CAPRIN1: variants seen among roughly 807,000 people sequenced by gnomAD.
CAPRIN1 encodes caprin-1.
In CAPRIN1, 29 loss-of-function variants were observed where a neutral mutation model predicts 100.9. The ratio of observed to expected loss-of-function variants is 0.29; its 90% CI spans 0.21 to 0.39. CAPRIN1 has a LOEUF of 0.39. CAPRIN1 is among the 10% of genes least tolerant of loss of function. CAPRIN1 has a pLI of 1.00. For missense variants in CAPRIN1, 795 were observed against 876.7 expected, an observed-to-expected ratio of 0.91 and a Z score of 1.18; for synonymous variants, 338 against 307.5, an observed-to-expected ratio of 1.10 and a Z score of -1.04.
rs1234040283 is a variant in CAPRIN1, at chr11:34,100,604, T to A, written c.*1237T>A. 6.6e-6 allele frequency: 1 copy of A among 152,226 alleles called. No homozygotes were observed. Among genetic ancestry groups the A allele is most frequent in the Non-Finnish European group, 1.5e-5 (1 of 68,012 alleles). 9.4% of individuals were successfully genotyped at this position (152,226 alleles called of 1,614,324 possible). A position where few individuals can be genotyped will look rare whatever the true frequency, so the allele number is the denominator to read the frequency against. On this transcript the variant is annotated 3_prime_UTR_variant, in exon 19 of 19. Transcript: ENST00000341394. ...ATTTTATGGTTTATCTCCAGCAACA[T>A]TTCTCTAGTACTTGCACTTATTATC...
At chr11:34,086,873 C>T (rs1288660330) in intron 11 of CAPRIN1, among the ~76,000 whole-genome samples, 1 of 152,072 alleles carries the variant, frequency 6.6e-6, no homozygotes, top group African/African-American at 2.4e-5. Context: ...CAAAATTAAT[C>T]TAGGAGTAAA....
At position 34,074,728 on chromosome 11, in the gene CAPRIN1, C is replaced by T. The variant is rs550851470; in HGVS notation, c.367-1508C>T. On this transcript the variant is annotated intron_variant, in intron 4 of 18. Coordinates refer to ENST00000341394, the MANE Select transcript of CAPRIN1 (RefSeq NM_005898.5). ...TGAAACCCTGTCTCTGCTAAAAATA[C>T]AAAAATTAGCCGGGCTTGGCAGCAC... 2.0e-5 allele frequency among the ~76,000 whole-genome samples: 3 copies of T among 152,198 alleles called. No homozygotes were observed. In the South Asian group the frequency reaches 6.2e-4, roughly 31 times the overall value.
intron 2 of CAPRIN1, among the ~76,000 whole-genome samples, chr11:34,053,902 A>G (rs1488323789): frequency 1.3e-5 from 2 of 152,256 alleles, no homozygotes; most frequent in East Asian, 1.9e-4. Flanking sequence ...CTTATAAAGT[A>G]AAATGAAGCC....
intron 2 of CAPRIN1, among the ~76,000 whole-genome samples, chr11:34,069,152 T>TG (rs1850760839): frequency 9.7e-6 from 1 of 102,790 alleles, no homozygotes; most frequent in African/African-American, 5.3e-5. Flanking sequence ...ACTTATTTAG[T>TG]TTTTTTTTTT....
Position 34,092,037 on chromosome 11 carries a change from G to C in CAPRIN1, c.1686G>C (p.Gln562His). Residue 562 changes from glutamine to histidine, a missense_variant, in exon 15 of 19, where the codon CAG becomes CAC. By Grantham distance (24) the Gln-to-His change is conservative. Around this residue, in one of 3 missense-constraint regions of CAPRIN1, gnomAD observed 648 missense variants for 697.9 expected, o/e 0.93. Transcript: ENST00000341394. ...ACCAAGTAGAACAAACAGAGCTTCA[G>C]CAAGAACAGCTTCAAACAGGTACGA... is the stretch of plus-strand genomic sequence containing the variant. Reference protein sequence around the residue: ...QPHQVEQTELQQEQLQTVVGT... With the variant: ...QPHQVEQTELHQEQLQTVVGT... 1 of 1,613,964 alleles carries C rather than the reference G, an allele frequency of 6.2e-7. No homozygotes were observed. The highest frequency in any genetic ancestry group is 8.5e-7 in the Non-Finnish European group (1 of 1,179,956).
chr11:34,099,375 C>T lies in CAPRIN1; in HGVS notation c.*8C>T, dbSNP rs2134141576. 6.2e-7 allele frequency: 1 copy of T among 1,610,854 alleles called. No individual in the cohort carries two copies. Among genetic ancestry groups the T allele is most frequent in the Non-Finnish European group, 8.5e-7 (1 of 1,177,096 alleles). ...ACTCAGCAAGTGAATTAATCTGATT[C>T]ACAGGATTATGTTTAATCGCCAAAA... On this transcript the variant is annotated 3_prime_UTR_variant, in exon 19 of 19. Transcript: ENST00000341394.
rs1171948504 is a variant in CAPRIN1, at chr11:34,084,437, T to C, written c.966+1396T>C. ...TAAAGAATGCAGTTCAGAAATGTTA[T>C]AGGAGGATTAGAAGAGAAATCAATC... On this transcript the variant is annotated intron_variant, in intron 9 of 18. Transcript: ENST00000341394. Among the ~76,000 whole-genome samples the C allele has an allele frequency of 4.6e-5, 7 of 152,208 alleles. No individual in the cohort carries two copies. In the East Asian group the frequency reaches 7.7e-4, roughly 17 times the overall value.
At chr11:34,081,771 T>A (rs975061769) in intron 7 of CAPRIN1, among the ~76,000 whole-genome samples, 2 of 152,142 alleles carry the variant, frequency 1.3e-5, no homozygotes, top group Admixed American at 1.3e-4. Context: ...GTCCTGAGAT[T>A]ATAGGCGTGA....
At chr11:34,073,143 T>C (rs115889159) in intron 4 of CAPRIN1, among the ~76,000 whole-genome samples, 1,835 of 152,244 alleles carry the variant, frequency 0.012, 28 homozygotes, top group African/African-American at 0.042. Context: ...AACAAAAAAG[T>C]TTATTATATG....
chr11:34,100,120 T>C lies in CAPRIN1; in HGVS notation c.*753T>C, dbSNP rs1258382247. 1 of 152,610 alleles carries C rather than the reference T, an allele frequency of 6.6e-6. No homozygotes were observed. Among genetic ancestry groups the C allele is most frequent in the East Asian group, 1.9e-4 (1 of 5,204 alleles). The allele number at this position is 152,610 out of a possible 1,614,324, so 9.5% of individuals were successfully genotyped here. On this transcript the variant is annotated 3_prime_UTR_variant, in exon 19 of 19. Coordinates refer to ENST00000341394, the MANE Select transcript of CAPRIN1 (RefSeq NM_005898.5). The stretch of plus-strand genomic sequence containing the variant: ...CCGCTTCTGTACTTAATGTGAAATA[T>C]TTAGATACCTTTTTGAACACTTAAC...
At chr11:34,078,914 G>A (rs1210192143) in intron 6 of CAPRIN1, among the ~76,000 whole-genome samples, 1 of 152,318 alleles carries the variant, frequency 6.6e-6, no homozygotes, top group East Asian at 1.9e-4. Flanking sequence ...TTTCACAGAT[G>A]TAAGTTTTTT....
intron 18 of CAPRIN1, chr11:34,098,265 T>G (rs1246686864): frequency 1.0e-6 from 1 of 985,720 alleles, no homozygotes; most frequent in Admixed American, 6.0e-5. Flanking sequence ...TGCAATGCCT[T>G]TTGGACCTCT....
At chr11:34,052,391 C>T (rs373063974) in intron 1 of CAPRIN1, 30 bp from the exon 2 acceptor site, 3 of 1,585,864 alleles carry the variant, frequency 1.9e-6, no homozygotes, top group South Asian at 1.1e-5. Context: ...CTTCCTCCCG[C>T]TTTTTCTTCT....
At chr11:34,062,496 G>T (rs1416534259) in intron 2 of CAPRIN1, among the ~76,000 whole-genome samples, 2 of 151,884 alleles carry the variant, frequency 1.3e-5, no homozygotes, top group South Asian at 2.1e-4. Context: ...GTGGTGGTGG[G>T]CGCCTGTAGT....
intron 2 of CAPRIN1, among the ~76,000 whole-genome samples, chr11:34,066,235 G>C (rs528424329): frequency 2.4e-4 from 36 of 152,094 alleles, no homozygotes; most frequent in Non-Finnish European, 5.0e-4. Flanking sequence ...CCTCACCTTG[G>C]CCTGTCAAAG....
In CAPRIN1 at chr11:34,086,175, C is replaced by G. The variant is rs765686887; in HGVS notation, c.1078C>G (p.Gln360Glu). The G allele has an allele frequency of 6.2e-7, 1 of 1,614,158 alleles. No homozygotes were observed. Among genetic ancestry groups the G allele is most frequent in the South Asian group, 1.1e-5 (1 of 91,086 alleles). The change falls in exon 10 of 19, where the codon CAA (glutamine) becomes GAA (glutamate). Residue 360 changes from glutamine (Q) to glutamate (E), a missense_variant. This residue lies in a region of CAPRIN1 where 648 missense variants were observed against 697.9 expected (regional missense o/e 0.93). Coordinates refer to ENST00000341394, the MANE Select transcript of CAPRIN1 (RefSeq NM_005898.5). ...TCCCCTTGTGAGAAGACAGCGAGTA[C>G]AAGACCTTATGGCACAAATGCAGGG... ...ADPLVRRQRVQDLMAQMQGPY... is the reference protein window; with the variant it reads ...ADPLVRRQRVEDLMAQMQGPY...
chr11:34,089,477 T>G (rs1454596625), intron 12 of CAPRIN1, 21 bp downstream of exon 12: 1 of 1,487,376 alleles, frequency 6.7e-7, no homozygotes, highest in Admixed American at 1.7e-5. Context: ...TAAAACTATT[T>G]TCTTCAGGGC....
At position 34,052,970 on chromosome 11, in the gene CAPRIN1, C is replaced by T. The variant is rs796074514; in HGVS notation, c.216+334C>T. Reference sequence around the variant, plus strand: ...GTCGTCAGGACTTCACTGTATGGTGCCCTTCTTTCCGTCTCTGAGGCCCGA... The same window carrying T: ...GTCGTCAGGACTTCACTGTATGGTGTCCTTCTTTCCGTCTCTGAGGCCCGA... On this transcript the variant is annotated intron_variant, in intron 2 of 18. Transcript: ENST00000341394. 9 of 1,095,966 alleles carry T rather than the reference C, an allele frequency of 8.2e-6. No homozygotes were observed. The Admixed American group carries it at 1.6e-4, about 20-fold the overall frequency. The allele number at this position is 1,095,966 out of a possible 1,614,324, so 67.9% of individuals were successfully genotyped here.
chr11:34,080,764 G>C (rs1298106531), intron 7 of CAPRIN1, among the ~76,000 whole-genome samples: 1 of 152,172 alleles, frequency 6.6e-6, no homozygotes, highest in Non-Finnish European at 1.5e-5. Context: ...TGAAACTCTT[G>C]TACCTCAGGT....
Sources: allele counts gnomAD v4.1 joint callset (sites outside exome capture counted in the v4.1 genomes callset), GRCh38; gene constraint gnomAD v4.1.1; regional missense constraint gnomAD v4.1.1; transcripts MANE v1.5; gene names NCBI Gene and HGNC (gene_info 2026-07-23, HGNC 2026-07-21).